MDC1: variants seen among roughly 807,000 people sequenced by gnomAD.
MDC1 encodes mediator of DNA damage checkpoint 1, also known as mediator of DNA damage checkpoint protein 1.
In MDC1, 81 loss-of-function variants were observed where a neutral mutation model predicts 142.5. The ratio of observed to expected loss-of-function variants is 0.57; its 90% CI spans 0.47 to 0.68. The LOEUF (loss-of-function observed/expected upper bound fraction) is 0.68, where lower values mean the gene tolerates loss of function less well. Ranked by LOEUF, MDC1 falls within the 30% of genes least tolerant of loss-of-function variation. The pLI, the probability that MDC1 is intolerant of heterozygous loss-of-function variation, is 0.00. For missense variants in MDC1, 2,119 were observed against 2,547.9 expected (o/e 0.83, Z 3.62); for synonymous variants, 797 against 968.4 (o/e 0.82, Z 3.29).
rs765162394 is a variant in MDC1 at position 30,713,639 on chromosome 6, G to A, written c.587+9C>T. 4.3e-6 allele frequency: 7 copies of A among 1,613,174 alleles called. No individual in the cohort carries two copies. Among genetic ancestry groups the A allele is most frequent in the Non-Finnish European group, 8.5e-7 (1 of 1,179,378 alleles). On this transcript the variant is annotated intron_variant, in intron 4 of 14. Coordinates refer to ENST00000376406, the MANE Select transcript of MDC1 (RefSeq NM_014641.3). The surrounding 1 kb of genome is among the most constrained non-coding windows in gnomAD (Gnocchi z 4.9). ...TGAAGACTCAGGTGTCTGACTCTTT[G>A]GCACTCACCTCTCTGGAACTATCAC...
rs1775087534 is a variant in MDC1, at chr6:30,712,666, T to C, written c.1276A>G (p.Ile426Val). ...TCCTCTTCTGCATCTCTGTTCCATATAGCAGGCTGGCTCTCTTTCAGATGT... is the reference window on the plus strand; with the variant it reads ...TCCTCTTCTGCATCTCTGTTCCATACAGCAGGCTGGCTCTCTTTCAGATGT... ...LAHLKESQPA[I>V]WNRDAEEDMP... Residue 426 changes from isoleucine (I) to valine (V), a missense_variant, in exon 5 of 15, where the codon ATA becomes GTA. Coordinates refer to ENST00000376406, the MANE Select transcript of MDC1 (RefSeq NM_014641.3). The surrounding 1 kb of genome is among the most constrained non-coding windows in gnomAD (Gnocchi z 4.7). The C allele has an allele frequency of 6.2e-7, 1 of 1,613,084 alleles. No homozygotes were observed. Among genetic ancestry groups the C allele is most frequent in the South Asian group, 1.1e-5 (1 of 91,090 alleles).
intron 2 of MDC1, among the ~76,000 whole-genome samples, chr6:30,714,512 G>T (rs1256347717): frequency 2.7e-5 from 4 of 149,966 alleles, no homozygotes; most frequent in Non-Finnish European, 4.4e-5. Context: ...GATTTTATTT[G>T]ATTTTTTTTT....
Position 30,715,921 on chromosome 6 carries a change from G to A in MDC1, c.-3-743C>T, listed in dbSNP as rs1309672036. 6.6e-6 allele frequency among the ~76,000 whole-genome samples: 1 copy of A among 152,140 alleles called. No individual in the cohort carries two copies. Among genetic ancestry groups the A allele is most frequent in the East Asian group, 1.9e-4 (1 of 5,200 alleles). ...TGAAACATACATAAGCATATATAAGGTTAAGACTTGCCCCAAATCACTCAG... is the reference window on the plus strand; with the variant it reads ...TGAAACATACATAAGCATATATAAGATTAAGACTTGCCCCAAATCACTCAG... On this transcript the variant is annotated intron_variant, in intron 1 of 14. Transcript: ENST00000376406. This position sits in a 1 kb window ranked among gnomAD's most constrained non-coding sequence, Gnocchi z 4.1.
At chr6:30,707,006 CCTTT>C (rs1278194486) in intron 9 of MDC1, among the ~76,000 whole-genome samples, 2 of 152,106 alleles carry the variant, frequency 1.3e-5, no homozygotes, top group Non-Finnish European at 2.9e-5. Flanking sequence ...ACTGGATTTT[CCTTT>C]CTGTCTATGA....
In MDC1 at chr6:30,715,853, A is replaced by G. The variant is rs544172788; in HGVS notation, c.-3-675T>C. 6.6e-6 allele frequency among the ~76,000 whole-genome samples: 1 copy of G among 152,360 alleles called. No homozygotes were observed. The highest frequency in any genetic ancestry group is 1.9e-4 in the East Asian group (1 of 5,196). ...ATTACTATCTTCCATTTCTTCAGAT[A>G]AAGAAACTGCAACATAGCTGGGTTA... On this transcript the variant is annotated intron_variant, in intron 1 of 14. Transcript: ENST00000376406. This position sits in a 1 kb window ranked among gnomAD's most constrained non-coding sequence, Gnocchi z 4.1.
intron 9 of MDC1, among the ~76,000 whole-genome samples, 164 bp from the exon 10 acceptor site, chr6:30,706,262 G>A (rs1773794871): frequency 6.6e-6 from 1 of 151,904 alleles, no homozygotes; most frequent in African/African-American, 2.4e-5. Flanking sequence ...CGAGGCGGGC[G>A]GATCACGAGG....
chr6:30,712,521 T>C lies in MDC1; in HGVS notation c.1421A>G (p.His474Arg), dbSNP rs28642200. 355 of 1,613,092 alleles carry C rather than the reference T, an allele frequency of 2.2e-4. 1 individual carries two copies. The highest frequency in any genetic ancestry group is 2.7e-4 in the Non-Finnish European group (313 of 1,180,024). Reference sequence around the variant, plus strand: ...TCTAACAAGGGCTCTAATCTTTGTGTGATCCTTGAGGACAGCTTCTCTATT... The same window carrying C: ...TCTAACAAGGGCTCTAATCTTTGTGCGATCCTTGAGGACAGCTTCTCTATT... ...VENREAVLKD[H>R]TKIRALVRAH... The change falls in exon 5 of 15, where the codon CAC (histidine) becomes CGC (arginine). Residue 474 changes from histidine to arginine, a missense_variant. Physicochemically the swap from His to Arg is conservative, Grantham distance 29 (BLOSUM62 0). Transcript: ENST00000376406. This position sits in a 1 kb window ranked among gnomAD's most constrained non-coding sequence, Gnocchi z 4.7.
chr6:30,705,588 G>A lies in MDC1; in HGVS notation c.3595C>T (p.Pro1199Ser), dbSNP rs775787094. Residue 1199 changes from proline (P) to serine (S), a missense_variant, in exon 10 of 15, where the codon CCT becomes TCT. Physicochemically the swap from Pro to Ser is moderately conservative, Grantham distance 74. Coordinates refer to ENST00000376406, the MANE Select transcript of MDC1 (RefSeq NM_014641.3). ...AGGGCTGTGGGCACAACTGTTTCAG[G>A]GGTCTTGACAGAGGATCTACTTTTT... ...GRKSRSSVKTPETVVPTALEL... is the reference protein window; with the variant it reads ...GRKSRSSVKTSETVVPTALEL... 5 of 1,607,500 alleles carry A rather than the reference G, an allele frequency of 3.1e-6. No homozygotes were observed. Among genetic ancestry groups the A allele is most frequent in the Non-Finnish European group, 4.2e-6 (5 of 1,177,172 alleles).
chr6:30,702,278 A>C (rs1296968746), intron 14 of MDC1, among the ~76,000 whole-genome samples: 1 of 151,250 alleles, frequency 6.6e-6, no homozygotes, highest in Admixed American at 6.6e-5. Flanking sequence ...AAAAAAAAAA[A>C]AAAGAAAATC....
chr6:30,701,405 A>G (rs550253253), intron 14 of MDC1, among the ~76,000 whole-genome samples: 10 of 152,206 alleles, frequency 6.6e-5, no homozygotes, highest in African/African-American at 1.7e-4. Flanking sequence ...CTCAAAAAAA[A>G]AAAATACTTT....
In MDC1 at chr6:30,713,369, A is replaced by G. The variant is rs746205722; in HGVS notation, c.588-15T>C. 1 of 1,544,638 alleles carries G rather than the reference A, an allele frequency of 6.5e-7. No individual in the cohort carries two copies. The highest frequency in any genetic ancestry group is 8.7e-7 in the Non-Finnish European group (1 of 1,153,202). On this transcript the variant is annotated splice_polypyrimidine_tract_variant and intron_variant, in intron 4 of 14. Transcript: ENST00000376406. This position sits in a 1 kb window ranked among gnomAD's most constrained non-coding sequence, Gnocchi z 4.9. ...CCTCTTCATCACTGTGAAGGGAAGA[A>G]AAGAGAGTCTATAGAATTTATTTCC...
chr6:30,700,902 C>CAAAAAA (rs9281018), intron 14 of MDC1, among the ~76,000 whole-genome samples: 10 of 70,554 alleles, frequency 1.4e-4, no homozygotes, highest in African/African-American at 4.2e-4. Context: ...ACTAAAAATA[C>CAAAAAA]AAAAAAAAAA....
intron 7 of MDC1, 132 bp downstream of exon 7, chr6:30,711,280 G>T: frequency 1.3e-6 from 1 of 755,136 alleles, no homozygotes; most frequent in Non-Finnish European, 2.2e-6. Flanking sequence ...GGAAGCTGAA[G>T]GAAGAGAAAC....
rs768164585 is a variant in MDC1, at chr6:30,704,444, G to A, written c.4739C>T (p.Pro1580Leu). ...SIVPIAPELQ[P>L]STSRNQLVTP... ...GACAAGCTGGTTTCTGGAGGTGGAA[G>A]GCTGAAGCTCAGGGGCTATAGGGAC... Residue 1580 changes from proline to leucine, a missense_variant, in exon 10 of 15, where the codon CCT becomes CTT. Transcript: ENST00000376406. 1 of 1,612,554 alleles carries A rather than the reference G, an allele frequency of 6.2e-7. No homozygotes were observed. Among genetic ancestry groups the A allele is most frequent in the African/African-American group, 1.3e-5 (1 of 74,796 alleles).
rs1169288675 is a variant in MDC1 at position 30,705,142 on chromosome 6, T to C, written c.4041A>G (p.Thr1347=). The change falls in exon 10 of 15, where the codon ACA becomes ACG. Residue 1347 remains threonine (T), a synonymous_variant. Transcript: ENST00000376406. Reference sequence around the variant, plus strand: ...TTGTCCTGCTCCTAGTGGTCCGAGATGTGGGCTTAGGGGTGACAGGTTGGT... The same window carrying C: ...TTGTCCTGCTCCTAGTGGTCCGAGACGTGGGCTTAGGGGTGACAGGTTGGT... ...STDQPVTPKP[T]SRTTRSRTNM... 1.2e-6 allele frequency: 2 copies of C among 1,608,520 alleles called. No individual in the cohort carries two copies. Among genetic ancestry groups the C allele is most frequent in the East Asian group, 2.3e-5 (1 of 44,220 alleles).
rs766727413 is a variant in MDC1, at chr6:30,705,296, G to A, written c.3887C>T (p.Ser1296Phe). ...PTAPELRPSTSTDRPVTPKPT... is the reference protein window; with the variant it reads ...PTAPELRPSTFTDRPVTPKPT... Reference sequence around the variant, plus strand: ...CTTGGGGGTGACAGGTCGGTCTGTGGAGGTGGAAGGCCGGAGCTCAGGGGC... The same window carrying A: ...CTTGGGGGTGACAGGTCGGTCTGTGAAGGTGGAAGGCCGGAGCTCAGGGGC... Residue 1296 changes from serine (S) to phenylalanine (F), a missense_variant, in exon 10 of 15, where the codon TCC becomes TTC. By Grantham distance (155) the Ser-to-Phe change is radical. Coordinates refer to ENST00000376406, the MANE Select transcript of MDC1 (RefSeq NM_014641.3). 4 of 1,603,702 alleles carry A rather than the reference G, an allele frequency of 2.5e-6. No individual in the cohort carries two copies. Among genetic ancestry groups the A allele is most frequent in the Non-Finnish European group, 3.4e-6 (4 of 1,175,708 alleles).
chr6:30,702,761 C>A lies in MDC1; in HGVS notation c.5982G>T (p.Arg1994Ser), dbSNP rs191103790. Residue 1994 changes from arginine to serine, a missense_variant, in exon 13 of 15, where the codon AGG becomes AGT. By Grantham distance (110) the Arg-to-Ser change is moderately radical. Transcript: ENST00000376406. ...AAAGATAGCCTCTCACCTCTAGCAG[C>A]CTTCGCTCCCGAGCCCTGCTCAGTG... The part of the protein sequence containing the change: ...QDALSRARER[R>S]LLEGYEIYVT... 4.3e-6 allele frequency: 7 copies of A among 1,613,022 alleles called. No homozygotes were observed. The highest frequency in any genetic ancestry group is 5.9e-6 in the Non-Finnish European group (7 of 1,180,050).
In MDC1 at chr6:30,703,773, G is replaced by A; in HGVS notation, c.5410C>T (p.Gln1804Ter). ...AGRSRFTPEL[Q>*]PKASQSRKRS... ...TTGCGGCTTTGAGAGGCCTTAGGCT[G>A]GAGCTCCGGGGTGAACCTAGATCTA... Residue 1804 changes from glutamine to a stop codon, truncating the protein, a stop_gained, in exon 10 of 15, where the codon CAG (glutamine) becomes TAG (stop). Transcript: ENST00000376406. LOFTEE classifies it high-confidence loss of function. The surrounding 1 kb of genome is among the most constrained non-coding windows in gnomAD (Gnocchi z 4.4). The A allele has an allele frequency of 6.4e-7, 1 of 1,570,128 alleles. No homozygotes were observed. The highest frequency in any genetic ancestry group is 8.6e-7 in the Non-Finnish European group (1 of 1,160,488).
intron 14 of MDC1, among the ~76,000 whole-genome samples, chr6:30,701,949 G>T (rs1002474644): frequency 6.6e-6 from 1 of 151,934 alleles, no homozygotes; most frequent in Non-Finnish European, 1.5e-5. Context: ...AAAAAGAAAT[G>T]AAATACTTCA....
Sources: allele counts gnomAD v4.1 joint callset (sites outside exome capture counted in the v4.1 genomes callset), GRCh38; gene constraint gnomAD v4.1.1; non-coding constraint Gnocchi (gnomAD v3.1); transcripts MANE v1.5; gene names NCBI Gene and HGNC (gene_info 2026-07-23, HGNC 2026-07-21).